Variants in FLACC1 observed in about 807,000 individuals in gnomAD.
FLACC1 encodes flagellum-associated coiled-coil domain-containing protein 1.
A neutral mutation model predicts 62.8 loss-of-function variants in FLACC1; 66 were observed. That is an observed-to-expected ratio of 1.05 (90% CI 0.86 to 1.29). The LOEUF (loss-of-function observed/expected upper bound fraction) is 1.29, where lower values mean the gene tolerates loss of function less well. FLACC1 is among the 50% of genes most tolerant of loss of function. The pLI is 0.00. For synonymous variants in FLACC1, 156 were observed against 161.0 expected, an observed-to-expected ratio of 0.97 and a Z score of 0.24; for missense variants, 452 against 489.1, an observed-to-expected ratio of 0.92 and a Z score of 0.71.
At chr2:201,353,257 T>A (rs1951061829) in intron 1 of FLACC1, among the ~76,000 whole-genome samples, 1 of 152,216 alleles carries the variant, frequency 6.6e-6, no homozygotes. Context: ...GTATCAAATG[T>A]AAATACTTAA....
At chr2:201,321,436 A>G (rs1950401691) in intron 9 of FLACC1, among the ~76,000 whole-genome samples, 1 of 152,224 alleles carries the variant, frequency 6.6e-6, no homozygotes, top group African/African-American at 2.4e-5. Flanking sequence ...GCACAGTTGC[A>G]GTGCTGGGCT....
chr2:201,330,944 A>G (rs774146987), intron 7 of FLACC1, 111 bp from the exon 8 acceptor site: 41 of 651,350 alleles, frequency 6.3e-5, no homozygotes, highest in Admixed American at 7.7e-5. Context: ...TGAGGTTCTC[A>G]CTTTTTTATT....
At chr2:201,293,699 C>T (rs1349024064) in intron 12 of FLACC1, among the ~76,000 whole-genome samples, 4 of 151,560 alleles carry the variant, frequency 2.6e-5, no homozygotes, top group Admixed American at 6.6e-5. Flanking sequence ...GATAGAGACA[C>T]AAAAAACCCT....
Position 201,330,521 on chromosome 2 carries a change from C to A in FLACC1, c.624G>T (p.Glu208Asp). The A allele has an allele frequency of 6.2e-7, 1 of 1,613,644 alleles. No individual in the cohort carries two copies. The highest frequency in any genetic ancestry group is 8.5e-7 in the Non-Finnish European group (1 of 1,179,784). ...AEKLAAQEKLEEMGKEYKYLK... is the reference protein window; with the variant it reads ...AEKLAAQEKLDEMGKEYKYLK... ...AATACTTGTATTCTTTTCCCATCTCCTCTGGATAAAAGGAAAACAACAGGA... is the reference window on the plus strand; with the variant it reads ...AATACTTGTATTCTTTTCCCATCTCATCTGGATAAAAGGAAAACAACAGGA... The change falls in exon 9 of 15, where the codon GAG (glutamate) becomes GAT (aspartate). Residue 208 changes from glutamate to aspartate, a missense_variant and splice_region_variant. Around this residue, in one of 3 missense-constraint regions of FLACC1, gnomAD observed 301 missense variants for 318.4 expected, o/e 0.95. Coordinates refer to ENST00000392257, the MANE Select transcript of FLACC1 (RefSeq NM_001127391.3).
upstream of FLACC1, among the ~76,000 whole-genome samples, chr2:201,359,880 G>C (rs149394302): frequency 6.6e-6 from 1 of 152,032 alleles, no homozygotes; most frequent in Non-Finnish European, 1.5e-5. Context: ...TCCAGAGATT[G>C]AATATTTACT....
At chr2:201,340,049 A>G (rs967115283) in intron 7 of FLACC1, among the ~76,000 whole-genome samples, 6 of 152,142 alleles carry the variant, frequency 3.9e-5, no homozygotes, top group African/African-American at 1.4e-4. Flanking sequence ...GTGCATGCAG[A>G]TAGGTGCCAG....
intron 11 of FLACC1, among the ~76,000 whole-genome samples, chr2:201,300,124 G>T (rs1949946716): frequency 6.6e-6 from 1 of 152,290 alleles, no homozygotes; most frequent in South Asian, 2.1e-4. Flanking sequence ...ACAGGGTGGG[G>T]CACCGCCTCA....
chr2:201,299,162 A>C, intron 12 of FLACC1, 76 bp downstream of exon 12: 1 of 1,363,622 alleles, frequency 7.3e-7, no homozygotes, highest in Non-Finnish European at 1.0e-6. Flanking sequence ...CATTGATTCC[A>C]TTATACTGAC....
rs150304787 is a variant in FLACC1 at position 201,310,070 on chromosome 2, G to A, written c.676-820C>T. ...ATAAGCCTAATCTAATACCAATACT[G>A]TTGCTTGGCTCAGATTTCATGAACA... On this transcript the variant is annotated intron_variant, in intron 9 of 14. Transcript: ENST00000392257. 1.8e-3 allele frequency among the ~76,000 whole-genome samples: 275 copies of A among 152,148 alleles called. 3 individuals carry two copies. Among genetic ancestry groups the A allele is most frequent in the African/African-American group, 6.2e-3 (257 of 41,528 alleles).
At chr2:201,301,356 T>G (rs945455058) in intron 11 of FLACC1, among the ~76,000 whole-genome samples, 1 of 152,052 alleles carries the variant, frequency 6.6e-6, no homozygotes, top group Non-Finnish European at 1.5e-5. Context: ...ATGAATGAAA[T>G]GAAGCAAGAA....
In FLACC1 at chr2:201,346,515, A is replaced by G. The variant is rs1489172959; in HGVS notation, c.368+27T>C. 36 of 1,611,758 alleles carry G rather than the reference A, an allele frequency of 2.2e-5. No individual in the cohort carries two copies. Among genetic ancestry groups the G allele is most frequent in the Non-Finnish European group, 3.1e-5 (36 of 1,179,786 alleles). ...GAGCTGGGTGGGAGTAGCCCCAAGC[A>G]GCTGCATGTTGCTGCAACAGCATTA... On this transcript the variant is annotated intron_variant, in intron 5 of 14. Coordinates refer to ENST00000392257, the MANE Select transcript of FLACC1 (RefSeq NM_001127391.3). This position sits in a 1 kb window ranked among gnomAD's most constrained non-coding sequence, Gnocchi z 4.0.
chr2:201,344,261 G>C lies in FLACC1; in HGVS notation c.371C>G (p.Thr124Ser), dbSNP rs768999268. The C allele has an allele frequency of 3.1e-6, 5 of 1,608,882 alleles. No individual in the cohort carries two copies. Among genetic ancestry groups the C allele is most frequent in the Non-Finnish European group, 4.3e-6 (5 of 1,175,458 alleles). The change falls in exon 6 of 15, where the codon ACC becomes AGC. Residue 124 changes from threonine to serine, a missense_variant and splice_region_variant. By Grantham distance (58) the Thr-to-Ser change is moderately conservative (BLOSUM62 1). Transcript: ENST00000392257. ...CTCTTCTAGGTCAGAAATGATGTTG[G>C]TCCTGTAGGAGAAGTAATTCTTCTA... Reference protein sequence around the residue: ...EIPDKGRFSRTNIISDLEEQI... With the variant: ...EIPDKGRFSRSNIISDLEEQI...
In FLACC1 at chr2:201,348,295, T is replaced by G; in HGVS notation, c.193A>C (p.Ile65Leu). ...TKPVVSPKMK[I>L]HSARQEETNK... ...GTCTCTTCTTGCCTTGCTGAATGGATTTTCATTCTGCAAGAGAAAGACATG... is the reference window on the plus strand; with the variant it reads ...GTCTCTTCTTGCCTTGCTGAATGGAGTTTCATTCTGCAAGAGAAAGACATG... Residue 65 changes from isoleucine to leucine, a missense_variant, in exon 4 of 15, where the codon ATC becomes CTC. Physicochemically the swap from Ile to Leu is conservative, Grantham distance 5 (BLOSUM62 2). Around this residue, in one of 3 missense-constraint regions of FLACC1, gnomAD observed 147 missense variants for 152.7 expected, o/e 0.96. Transcript: ENST00000392257. 1.9e-6 allele frequency: 3 copies of G among 1,612,452 alleles called. No individual in the cohort carries two copies. The highest frequency in any genetic ancestry group is 2.5e-6 in the Non-Finnish European group (3 of 1,179,768).
At chr2:201,352,713 A>G (rs1037533050) in intron 1 of FLACC1, among the ~76,000 whole-genome samples, 4 of 152,204 alleles carry the variant, frequency 2.6e-5, no homozygotes, top group Admixed American at 2.6e-4. Flanking sequence ...GTAGGAGCAC[A>G]TGGTAGGATG....
intron 9 of FLACC1, among the ~76,000 whole-genome samples, chr2:201,320,815 GAAACC>G: frequency 6.6e-6 from 1 of 152,304 alleles, no homozygotes; most frequent in East Asian, 1.9e-4. Flanking sequence ...CATTGCCTGA[GAAACC>G]AGAGTAACCC....
chr2:201,342,046 G>A (rs1437115644), intron 7 of FLACC1, among the ~76,000 whole-genome samples: 1 of 152,156 alleles, frequency 6.6e-6, no homozygotes, highest in African/African-American at 2.4e-5. Flanking sequence ...CCTTGGCTGA[G>A]AACAACAGTT....
At chr2:201,359,708 G>A (rs987583435), upstream of FLACC1, among the ~76,000 whole-genome samples, 5 of 152,068 alleles carry the variant, frequency 3.3e-5, no homozygotes, top group African/African-American at 9.7e-5. Context: ...TGCCAGCCTC[G>A]GTGTGTTGAT....
chr2:201,355,627 AGGTG>A (rs1372369230), intron 1 of FLACC1, among the ~76,000 whole-genome samples: 4 of 151,972 alleles, frequency 2.6e-5, no homozygotes, highest in Non-Finnish European at 4.4e-5. Context: ...TGAGAGACTG[AGGTG>A]GGAGAGTCGC....
At chr2:201,312,599 G>A (rs1284866840) in intron 9 of FLACC1, among the ~76,000 whole-genome samples, 2 of 152,098 alleles carry the variant, frequency 1.3e-5, no homozygotes, top group Admixed American at 6.6e-5. Context: ...CCAAAAAAGA[G>A]TCTAAATAGC....
Sources: allele counts gnomAD v4.1 joint callset (sites outside exome capture counted in the v4.1 genomes callset), GRCh38; gene constraint gnomAD v4.1.1; regional missense constraint gnomAD v4.1.1; non-coding constraint Gnocchi (gnomAD v3.1); transcripts MANE v1.5; gene names NCBI Gene and HGNC (gene_info 2026-07-23, HGNC 2026-07-21).